The following ADAMTS18 variants were observed in gnomAD, a reference collection of about 807,000 sequenced individuals.
The protein encoded by ADAMTS18 is A disintegrin and metalloproteinase with thrombospondin motifs 18.
In ADAMTS18, 157 loss-of-function variants were observed where a neutral mutation model predicts 165.9. The ratio of observed to expected loss-of-function variants is 0.95; its 90% confidence interval spans 0.83 to 1.08. The LOEUF is 1.08. Ranked by LOEUF, ADAMTS18 falls within the 50% of genes least tolerant of loss-of-function variation. ADAMTS18 has a pLI of 0.00. For missense variants in ADAMTS18, 2,040 were observed against 1,534.0 expected (o/e 1.33, Z -5.51); for synonymous variants, 782 against 578.2 (o/e 1.35, Z -5.06).
chr16:77,339,170 AAATTTACAGTCT>A (rs2056359613), intron 11 of ADAMTS18, among the ~76,000 whole-genome samples: 1 of 151,044 alleles, frequency 6.6e-6, no homozygotes, highest in African/African-American at 2.4e-5. Context: ...GGCCCTCATG[AAATTTACAGTCT>A]AACAAGCAGC....
chr16:77,414,321 G>A lies in ADAMTS18; in HGVS notation c.495+16974C>T, dbSNP rs972402558. ...GGCTATACCTGTACTGCCCAAGACA[G>A]CAGCCCTTAGTGGACACTTGAAATG... is the stretch of plus-strand genomic sequence containing the variant. On this transcript the variant is annotated intron_variant, in intron 3 of 22. Transcript: ENST00000282849. Among the ~76,000 whole-genome samples the A allele has an allele frequency of 4.6e-5, 7 of 152,190 alleles. 1 individual carries two copies. The highest frequency in any genetic ancestry group is 4.6e-4 in the Admixed American group (7 of 15,274).
At chr16:77,325,671 A>T (rs1392965488) in intron 13 of ADAMTS18, among the ~76,000 whole-genome samples, 195 bp downstream of exon 13, 3 of 141,510 alleles carry the variant, frequency 2.1e-5, no homozygotes, top group Non-Finnish European at 4.5e-5. Context: ...GAGGTATCTT[A>T]TAGGGGGAAA....
At chr16:77,381,299 G>A (rs146962617) in intron 3 of ADAMTS18, among the ~76,000 whole-genome samples, 2 of 151,848 alleles carry the variant, frequency 1.3e-5, no homozygotes, top group East Asian at 1.9e-4. Flanking sequence ...TCCAGAGAGG[G>A]TGGGGGTGGG....
At chr16:77,415,115 A>G (rs1207077107) in intron 3 of ADAMTS18, among the ~76,000 whole-genome samples, 1 of 152,230 alleles carries the variant, frequency 6.6e-6, no homozygotes, top group Non-Finnish European at 1.5e-5. Flanking sequence ...AGATGCCATA[A>G]TACTCTGTGC....
intron 16 of ADAMTS18, among the ~76,000 whole-genome samples, chr16:77,307,378 G>T (rs75252685): frequency 6.6e-6 from 1 of 152,184 alleles, no homozygotes; most frequent in Non-Finnish European, 1.5e-5. Context: ...TATTATGTGT[G>T]AGTGATTGAA....
chr16:77,324,168 A>G (rs1485896721), intron 13 of ADAMTS18, among the ~76,000 whole-genome samples: 2 of 152,244 alleles, frequency 1.3e-5, no homozygotes, highest in Admixed American at 1.3e-4. Flanking sequence ...CAAAGAACAG[A>G]AGAGGAAGTA....
chr16:77,302,313 G>GT (rs2055599688), intron 16 of ADAMTS18, among the ~76,000 whole-genome samples: 1 of 152,128 alleles, frequency 6.6e-6, no homozygotes, highest in Non-Finnish European at 1.5e-5. Flanking sequence ...GGTTAAAGCA[G>GT]TATTTCAAAT....
chr16:77,391,481 G>T (rs1338341740), intron 3 of ADAMTS18, among the ~76,000 whole-genome samples: 1 of 144,170 alleles, frequency 6.9e-6, no homozygotes, highest in Non-Finnish European at 1.5e-5. Flanking sequence ...AACAGCGCAA[G>T]ACTCAGTCTC....
At chr16:77,376,975 C>T (rs1255482177) in intron 3 of ADAMTS18, among the ~76,000 whole-genome samples, 3 of 152,076 alleles carry the variant, frequency 2.0e-5, no homozygotes, top group Non-Finnish European at 2.9e-5. Flanking sequence ...CCACCACTCT[C>T]GGCTAGGTTT....
chr16:77,350,521 G>A (rs1007412927), intron 10 of ADAMTS18, among the ~76,000 whole-genome samples: 3 of 152,154 alleles, frequency 2.0e-5, no homozygotes, highest in African/African-American at 4.8e-5. Flanking sequence ...ACCTTTCAAA[G>A]GTGAACTCTA....
intron 3 of ADAMTS18, among the ~76,000 whole-genome samples, chr16:77,420,195 C>T (rs2057584107): frequency 6.6e-6 from 1 of 151,278 alleles, no homozygotes; most frequent in Admixed American, 6.6e-5. Flanking sequence ...ATACATGCTG[C>T]AACTAGTAAG....
At chr16:77,380,345 T>C (rs574761353) in intron 3 of ADAMTS18, among the ~76,000 whole-genome samples, 6 of 152,322 alleles carry the variant, frequency 3.9e-5, no homozygotes, top group Admixed American at 1.3e-4. Context: ...TTGATGAAAA[T>C]TGATTTAGCT....
chr16:77,293,055 G>A, intron 20 of ADAMTS18, 21 bp downstream of exon 20: 5 of 1,613,744 alleles, frequency 3.1e-6, no homozygotes, highest in Non-Finnish European at 4.2e-6. Context: ...TCCTGACCCA[G>A]CAGTGACTTC....
chr16:77,282,906 C>CTTTTTTTTTT lies in ADAMTS18; in HGVS notation c.*1040_*1049dup, dbSNP rs1555507097. 12 of 77,566 alleles carry CTTTTTTTTTT rather than the reference C, an allele frequency of 1.5e-4. No individual in the cohort carries two copies. The highest frequency in any genetic ancestry group is 4.1e-4 in the African/African-American group (10 of 24,656). The allele number at this position is 77,566 out of a possible 1,614,324, so 4.8% of individuals were successfully genotyped here. ...CCACTGTTTACTCCTTTCTTTCTCT[C>CTTTTTTTTTT]TTTTTTTTTTTTTTTTTTTTGCTGT... On this transcript the variant is annotated 3_prime_UTR_variant, in exon 23 of 23. Transcript: ENST00000282849.
intron 16 of ADAMTS18, among the ~76,000 whole-genome samples, chr16:77,309,218 T>A (rs116361122): frequency 0.26 from 35,659 of 134,790 alleles, 4,852 homozygotes; most frequent in East Asian, 0.62. Flanking sequence ...AGCTGGCTAG[T>A]TTTTTTTTTT....
chr16:77,296,186 A>C (rs2055468293), intron 18 of ADAMTS18, among the ~76,000 whole-genome samples: 1 of 152,326 alleles, frequency 6.6e-6, no homozygotes, highest in African/African-American at 2.4e-5. Context: ...TATATTTGGC[A>C]GAAGATAAAT....
intron 10 of ADAMTS18, among the ~76,000 whole-genome samples, chr16:77,342,109 C>T (rs1181389728): frequency 1.3e-5 from 2 of 152,070 alleles, no homozygotes; most frequent in African/African-American, 2.4e-5. Flanking sequence ...TGATGATAAC[C>T]GTCGTAGCAG....
intron 3 of ADAMTS18, among the ~76,000 whole-genome samples, chr16:77,421,350 T>C (rs1399626406): frequency 6.6e-6 from 1 of 152,206 alleles, no homozygotes; most frequent in Non-Finnish European, 1.5e-5. Context: ...GGGAAAAACT[T>C]GATGTGACTG....
intron 3 of ADAMTS18, among the ~76,000 whole-genome samples, chr16:77,382,466 T>A (rs2057045780): frequency 6.6e-6 from 1 of 152,148 alleles, no homozygotes. Context: ...CCTCTCGGCC[T>A]CCCAAAGTGC....
Sources: gnomAD v4.1 joint callset for allele counts (sites outside exome capture counted in the v4.1 genomes callset) on GRCh38, gnomAD v4.1.1 for gene constraint, MANE v1.5 for transcripts, NCBI Gene and HGNC (gene_info 2026-07-23, HGNC 2026-07-21) for gene names.